The following TMEM132D variants were observed in gnomAD, a reference collection of about 807,000 sequenced individuals.
TMEM132D encodes the protein mature OL transmembrane protein.
A neutral mutation model predicts 62.3 loss-of-function variants in TMEM132D; 21 were observed. The observed-to-expected ratio is 0.34, with a 90% CI of 0.24 to 0.49. TMEM132D has a LOEUF of 0.49. Ranked by LOEUF, TMEM132D falls within the 20% of genes least tolerant of loss-of-function variation. TMEM132D has a pLI of 0.99. For missense variants in TMEM132D, 1,346 were observed against 1,402.8 expected, an observed-to-expected ratio of 0.96 and a Z score of 0.65; for synonymous variants, 621 against 575.6, an observed-to-expected ratio of 1.08 and a Z score of -1.13.
intron 5 of TMEM132D, among the ~76,000 whole-genome samples, chr12:129,166,320 C>CGT (rs1377958266): frequency 0.024 from 3,692 of 151,538 alleles, 197 homozygotes; most frequent in African/African-American, 0.086. Flanking sequence ...TAAAGGGCCA[C>CGT]ATATGTTTCG....
At chr12:129,622,792 T>G (rs1879109308) in intron 2 of TMEM132D, among the ~76,000 whole-genome samples, 2 of 152,144 alleles carry the variant, frequency 1.3e-5, no homozygotes, top group African/African-American at 4.8e-5. Flanking sequence ...CATGTGACTT[T>G]GGGTGGCCAA....
chr12:129,863,602 G>A (rs919025424), intron 1 of TMEM132D, among the ~76,000 whole-genome samples: 3 of 152,060 alleles, frequency 2.0e-5, no homozygotes, highest in Admixed American at 6.5e-5. Flanking sequence ...ATTACCCTCC[G>A]TATAAAGCTT....
chr12:129,674,651 C>A (rs574816576), intron 2 of TMEM132D, among the ~76,000 whole-genome samples: 2 of 152,056 alleles, frequency 1.3e-5, no homozygotes, highest in Non-Finnish European at 2.9e-5. Flanking sequence ...GCAATTCTCC[C>A]GCCTCAGCCT....
intron 5 of TMEM132D, among the ~76,000 whole-genome samples, chr12:129,159,300 T>C: frequency 6.6e-6 from 1 of 152,164 alleles, no homozygotes; most frequent in East Asian, 1.9e-4. Context: ...AAGTGATGCA[T>C]TCATGTTGAT....
At chr12:129,801,254 C>T (rs1310194701) in intron 1 of TMEM132D, among the ~76,000 whole-genome samples, 1 of 152,226 alleles carries the variant, frequency 6.6e-6, no homozygotes, top group East Asian at 1.9e-4. Flanking sequence ...GTAGGCTCCA[C>T]CTCTGGGGGC....
intron 2 of TMEM132D, among the ~76,000 whole-genome samples, chr12:129,616,691 C>T (rs182039100): frequency 1.8e-4 from 27 of 152,304 alleles, no homozygotes; most frequent in East Asian, 1.2e-3. Flanking sequence ...AAGGACGTGT[C>T]TGCTTCCCCT....
chr12:129,488,025 T>C (rs1357667259), intron 3 of TMEM132D, among the ~76,000 whole-genome samples: 1 of 151,638 alleles, frequency 6.6e-6, no homozygotes, highest in Non-Finnish European at 1.5e-5. Flanking sequence ...CGGCCCCTTG[T>C]TGGCTTTTCC....
intron 2 of TMEM132D, among the ~76,000 whole-genome samples, chr12:129,615,775 T>TAAAACAAAACAAAAC (rs200360615): frequency 7.7e-6 from 1 of 130,078 alleles, no homozygotes. Context: ...ATAAAATAAT[T>TAAAACAAAACAAAAC]AAAACAAAAC....
chr12:129,282,534 C>G (rs182413347), intron 4 of TMEM132D, among the ~76,000 whole-genome samples: 2 of 152,202 alleles, frequency 1.3e-5, no homozygotes, highest in Admixed American at 6.5e-5. Flanking sequence ...CCAGGTGGAA[C>G]GATTTTCCTG....
intron 5 of TMEM132D, among the ~76,000 whole-genome samples, chr12:129,206,176 G>A (rs1431488006): frequency 3.3e-5 from 5 of 152,074 alleles, no homozygotes; most frequent in Non-Finnish European, 5.9e-5. Flanking sequence ...CCTACATACA[G>A]AATGGAAAAA....
At chr12:129,902,207 C>T (rs887554059) in intron 1 of TMEM132D, among the ~76,000 whole-genome samples, 3 of 152,206 alleles carry the variant, frequency 2.0e-5, no homozygotes, top group Non-Finnish European at 4.4e-5. Context: ...AGAGAACAGA[C>T]AATTCATGTA....
At chr12:129,858,769 C>T (rs1873773871) in intron 1 of TMEM132D, among the ~76,000 whole-genome samples, 1 of 78,544 alleles carries the variant, frequency 1.3e-5, no homozygotes, top group Non-Finnish European at 2.4e-5. Context: ...TCCGGGGAAA[C>T]GGGATGGGTG....
In TMEM132D at chr12:129,371,284, CGATGAT is replaced by C. The variant is rs372677479; in HGVS notation, c.1116-33473_1116-33468del. On this transcript the variant is annotated intron_variant, in intron 3 of 8. Coordinates refer to ENST00000422113, the MANE Select transcript of TMEM132D (RefSeq NM_133448.3). This position sits in a 1 kb window ranked among gnomAD's most constrained non-coding sequence, Gnocchi z 4.3. ...ATGATGATGAAGGTGGTGTTGGTGACGATGATGATGATGATGGAGATAATGATGATG... is the reference window on the plus strand; with the variant it reads ...ATGATGATGAAGGTGGTGTTGGTGACGATGATGATGGAGATAATGATGATG... 6.6e-6 allele frequency among the ~76,000 whole-genome samples: 1 copy of C among 150,900 alleles called. No homozygotes were observed. The highest frequency in any genetic ancestry group is 1.5e-5 in the Non-Finnish European group (1 of 67,776).
At chr12:129,319,261 C>T (rs61943934) in intron 4 of TMEM132D, among the ~76,000 whole-genome samples, 4 of 152,202 alleles carry the variant, frequency 2.6e-5, no homozygotes, top group South Asian at 2.1e-4. Flanking sequence ...GGGGACCCAG[C>T]GAGCTCCCAG....
intron 3 of TMEM132D, among the ~76,000 whole-genome samples, chr12:129,499,306 G>A (rs1875055397): frequency 6.6e-6 from 1 of 152,224 alleles, no homozygotes; most frequent in East Asian, 1.9e-4. Context: ...GGAAAGAGGT[G>A]AAGAGGTGAG....
chr12:129,074,942 T>C lies in TMEM132D; in HGVS notation c.2233A>G (p.Ile745Val). The change falls in exon 9 of 9, where the codon ATC becomes GTC. Residue 745 changes from isoleucine to valine, a missense_variant. Coordinates refer to ENST00000422113, the MANE Select transcript of TMEM132D (RefSeq NM_133448.3). ...ATSLDEKVVS[I>V]HQDPKFKWPI... ...CACTTGAATTTGGGGTCTTGGTGGA[T>C]GGAGACTACCTTCTCATCCAAAGAT... is the stretch of plus-strand genomic sequence containing the variant. 1 of 1,614,084 alleles carries C rather than the reference T, an allele frequency of 6.2e-7. No homozygotes were observed. Among genetic ancestry groups the C allele is most frequent in the Non-Finnish European group, 8.5e-7 (1 of 1,180,030 alleles).
At chr12:129,790,414 G>C (rs747632128) in intron 1 of TMEM132D, among the ~76,000 whole-genome samples, 4 of 152,136 alleles carry the variant, frequency 2.6e-5, no homozygotes, top group African/African-American at 4.8e-5. Flanking sequence ...CAATGAAAGC[G>C]GCTCTCAGCA....
At position 129,073,650 on chromosome 12, in the gene TMEM132D, C is replaced by T; in HGVS notation, c.*225G>A. 1 of 418,928 alleles carries T rather than the reference C, an allele frequency of 2.4e-6. No homozygotes were observed. The highest frequency in any genetic ancestry group is 4.2e-6 in the Non-Finnish European group (1 of 238,052). 26.0% of individuals were successfully genotyped at this position (418,928 alleles called of 1,614,324 possible). A position where few individuals can be genotyped will look rare whatever the true frequency, so the allele number is the denominator to read the frequency against. ...TTGTTTCAAGTCTTAAAAATCTTGC[C>T]ATGCATGATAAACCTCTTAAGCAAG... On this transcript the variant is annotated 3_prime_UTR_variant, in exon 9 of 9. Coordinates refer to ENST00000422113, the MANE Select transcript of TMEM132D (RefSeq NM_133448.3).
intron 1 of TMEM132D, among the ~76,000 whole-genome samples, chr12:129,789,564 C>T (rs1871342544): frequency 6.6e-6 from 1 of 152,138 alleles, no homozygotes. Flanking sequence ...ATGAAGGAAC[C>T]AACAATTTCG....
Sources: allele counts gnomAD v4.1 joint callset (sites outside exome capture counted in the v4.1 genomes callset), GRCh38; gene constraint gnomAD v4.1.1; non-coding constraint Gnocchi (gnomAD v3.1); transcripts MANE v1.5; gene names NCBI Gene and HGNC (gene_info 2026-07-23, HGNC 2026-07-21).